SIX6: variants seen among roughly 807,000 people sequenced by gnomAD.
The protein encoded by SIX6 is homeobox protein SIX6.
Under a neutral mutation model 23.6 loss-of-function variants are expected in SIX6, and 14 were observed. The ratio of observed to expected loss-of-function variants is 0.59; its 90% CI spans 0.39 to 0.93. The LOEUF (loss-of-function observed/expected upper bound fraction) is 0.93, where lower values mean the gene tolerates loss of function less well. Ranked by LOEUF, SIX6 falls within the 40% of genes least tolerant of loss-of-function variation. The pLI, the probability that SIX6 is intolerant of heterozygous loss-of-function variation, is 0.00. For missense variants in SIX6, 307 were observed against 325.6 expected, an observed-to-expected ratio of 0.94 and a Z score of 0.44; for synonymous variants, 128 against 144.9, an observed-to-expected ratio of 0.88 and a Z score of 0.84.
At position 60,510,021 on chromosome 14, in the gene SIX6, T is replaced by C. The variant is rs754759414; in HGVS notation, c.572+51T>C. On this transcript the variant is annotated intron_variant, in intron 1 of 1. Coordinates refer to ENST00000327720, the MANE Select transcript of SIX6 (RefSeq NM_007374.3). The stretch of plus-strand genomic sequence containing the variant: ...TTGAGCGCACCGGGGAGGAGGCGGG[T>C]GGAGGCACCTCTGGCGCCCTTACCC... The C allele has an allele frequency of 6.7e-6, 10 of 1,493,216 alleles. No individual in the cohort carries two copies. In the East Asian group the frequency reaches 2.2e-4, roughly 33 times the overall value. The allele number at this position is 1,493,216 out of a possible 1,614,324, so 92.5% of individuals were successfully genotyped here. A position where few individuals can be genotyped will look rare whatever the true frequency, so the allele number is the denominator to read the frequency against.
chr14:60,510,577 G>C (rs1318205973), intron 1 of SIX6, among the ~76,000 whole-genome samples: 1 of 132,120 alleles, frequency 7.6e-6, no homozygotes, highest in Non-Finnish European at 1.7e-5. Context: ...TTTTGCGGAA[G>C]AGCCCGGCCT....
rs1893302654 is a variant in SIX6, at chr14:60,512,020, TACCTATACAA to T, written c.*771_*780del. The T allele has an allele frequency of 2.6e-4, 1 of 3,806 alleles. No individual in the cohort carries two copies. The highest frequency in any genetic ancestry group is 1.8e-3 in the Non-Finnish European group (1 of 550). The allele number at this position is 3,806 out of a possible 1,614,324, so 0.2% of individuals were successfully genotyped here. Reference sequence around the variant, plus strand: ...TTACACGTATGTGCATATATGTATGTACCTATACAAACATATGTATGTACCTATACAAACA... The same window carrying T: ...TTACACGTATGTGCATATATGTATGTACATATGTATGTACCTATACAAACA... On this transcript the variant is annotated 3_prime_UTR_variant, in exon 2 of 2. Coordinates refer to ENST00000327720, the MANE Select transcript of SIX6 (RefSeq NM_007374.3).
At chr14:60,510,208 A>G (rs1375598459) in intron 1 of SIX6, among the ~76,000 whole-genome samples, 3 of 152,148 alleles carry the variant, frequency 2.0e-5, no homozygotes, top group African/African-American at 7.2e-5. Flanking sequence ...GGTCCCGGTC[A>G]CCAAACCAAG....
rs1555360879 is a variant in SIX6 at position 60,509,178 on chromosome 14, T to TGAGCC, written c.-210_-206dup. 3.4e-6 allele frequency: 2 copies of TGAGCC among 580,838 alleles called. No homozygotes were observed. The highest frequency in any genetic ancestry group is 3.1e-6 in the Non-Finnish European group (1 of 326,258). The allele number at this position is 580,838 out of a possible 1,614,324, so 36.0% of individuals were successfully genotyped here. A position where few individuals can be genotyped will look rare whatever the true frequency, so the allele number is the denominator to read the frequency against. ...GAGCCAGCTCGCCTGCCGGCGTGCC[T>TGAGCC]GAGCCGAGCCGAGCCCGAACCCCAA... On this transcript the variant is annotated 5_prime_UTR_variant, in exon 1 of 2. Transcript: ENST00000327720.
chr14:60,510,395 G>A (rs1690116300), intron 1 of SIX6, among the ~76,000 whole-genome samples: 1 of 152,186 alleles, frequency 6.6e-6, no homozygotes, highest in South Asian at 2.1e-4. Flanking sequence ...TCAAAGCCCA[G>A]GTATATCCCT....
rs1047689079 is a variant in SIX6 at position 60,509,792 on chromosome 14, A to T, written c.394A>T (p.Thr132Ser). The T allele has an allele frequency of 1.2e-6, 2 of 1,613,422 alleles. No individual in the cohort carries two copies. The highest frequency in any genetic ancestry group is 1.7e-6 in the Non-Finnish European group (2 of 1,179,406). Reference sequence around the variant, plus strand: ...CACCATTTGGGACGGCGAACAGAAGACACACTGCTTCAAGGAGCGCACGCG... The same window carrying T: ...CACCATTTGGGACGGCGAACAGAAGTCACACTGCTTCAAGGAGCGCACGCG... ...PRTIWDGEQK[T>S]HCFKERTRHL... Residue 132 changes from threonine (T) to serine (S), a missense_variant, in exon 1 of 2, where the codon ACA becomes TCA. Thr to Ser is a moderately conservative substitution (Grantham distance 58). Coordinates refer to ENST00000327720, the MANE Select transcript of SIX6 (RefSeq NM_007374.3).
In SIX6 at chr14:60,511,240, G is replaced by C. The variant is rs778051865; in HGVS notation, c.729G>C (p.Glu243Asp). 5 of 1,613,430 alleles carry C rather than the reference G, an allele frequency of 3.1e-6. No individual in the cohort carries two copies. The South Asian group carries it at 4.4e-5, about 14-fold the overall frequency. Residue 243 changes from glutamate (E) to aspartate (D), a missense_variant, in exon 2 of 2, where the codon GAG (glutamate) becomes GAC (aspartate). By Grantham distance (45) the Glu-to-Asp change is conservative (BLOSUM62 2). Coordinates refer to ENST00000327720, the MANE Select transcript of SIX6 (RefSeq NM_007374.3). ...SAISITSSDS[E>D]CDI ...TCTCCATCACGTCCAGCGACAGCGAGTGCGACATCTGAGTTGCCCATCCAG... is the reference window on the plus strand; with the variant it reads ...TCTCCATCACGTCCAGCGACAGCGACTGCGACATCTGAGTTGCCCATCCAG...
Position 60,511,431 on chromosome 14 carries a change from G to T in SIX6, c.*179G>T. Reference sequence around the variant, plus strand: ...CCCCGCGGCCGGCCTGGCTTCACTGGCGCCCTTTGGCCGCGACCACGGGAA... The same window carrying T: ...CCCCGCGGCCGGCCTGGCTTCACTGTCGCCCTTTGGCCGCGACCACGGGAA... On this transcript the variant is annotated 3_prime_UTR_variant, in exon 2 of 2. Transcript: ENST00000327720. 3.4e-5 allele frequency: 24 copies of T among 711,280 alleles called. No individual in the cohort carries two copies. The highest frequency in any genetic ancestry group is 6.5e-5 in the South Asian group (4 of 61,740). 44.1% of individuals were successfully genotyped at this position (711,280 alleles called of 1,614,324 possible).
Position 60,511,320 on chromosome 14 carries a change from G to C in SIX6, c.*68G>C. 7.2e-6 allele frequency: 11 copies of C among 1,528,592 alleles called. No individual in the cohort carries two copies. The highest frequency in any genetic ancestry group is 1.4e-5 in the African/African-American group (1 of 73,270). 94.7% of individuals were successfully genotyped at this position (1,528,592 alleles called of 1,614,324 possible). A position where few individuals can be genotyped will look rare whatever the true frequency, so the allele number is the denominator to read the frequency against. Reference sequence around the variant, plus strand: ...ACGAGAAAAACAAAATGAAAGAGGGGAAGAAGATGAGAGACCTGCAAATCC... The same window carrying C: ...ACGAGAAAAACAAAATGAAAGAGGGCAAGAAGATGAGAGACCTGCAAATCC... On this transcript the variant is annotated 3_prime_UTR_variant, in exon 2 of 2. Transcript: ENST00000327720.
Position 60,509,692 on chromosome 14 carries a change from G to A in SIX6, c.294G>A (p.Glu98=), listed in dbSNP as rs143371520. 2.1e-4 allele frequency: 339 copies of A among 1,614,014 alleles called. No homozygotes were observed. The highest frequency in any genetic ancestry group is 2.7e-4 in the Non-Finnish European group (314 of 1,180,046). ...TGTGGCTTGAAGCACACTACCAGGA[G>A]GCTGAGAAGCTGCGTGGAAGACCCC... is the stretch of plus-strand genomic sequence containing the variant. ...QALWLEAHYQ[E]AEKLRGRPLG... The change falls in exon 1 of 2, where the codon GAG becomes GAA. Residue 98 remains glutamate (E), a synonymous_variant. Transcript: ENST00000327720.
Position 60,511,357 on chromosome 14 carries a change from A to T in SIX6, c.*105A>T, listed in dbSNP as rs1893291935. The T allele has an allele frequency of 7.4e-7, 1 of 1,359,276 alleles. No individual in the cohort carries two copies. Among genetic ancestry groups the T allele is most frequent in the Middle Eastern group, 1.8e-4 (1 of 5,442 alleles). The allele number at this position is 1,359,276 out of a possible 1,614,324, so 84.2% of individuals were successfully genotyped here. A position where few individuals can be genotyped will look rare whatever the true frequency, so the allele number is the denominator to read the frequency against. On this transcript the variant is annotated 3_prime_UTR_variant, in exon 2 of 2. Coordinates refer to ENST00000327720, the MANE Select transcript of SIX6 (RefSeq NM_007374.3). ...AGACCTGCAAATCCAGCGCCACAGA[A>T]GCCAGGTGACCAGGGACCCGCGGGC...
In SIX6 at chr14:60,511,493, T is replaced by C; in HGVS notation, c.*241T>C. 2 of 599,164 alleles carry C rather than the reference T, an allele frequency of 3.3e-6. No homozygotes were observed. The highest frequency in any genetic ancestry group is 4.0e-5 in the South Asian group (2 of 50,364). 37.1% of individuals were successfully genotyped at this position (599,164 alleles called of 1,614,324 possible). A position where few individuals can be genotyped will look rare whatever the true frequency, so the allele number is the denominator to read the frequency against. ...GCCTGACCCAGCACCACGTTCTTCT[T>C]GCTTTGCTTTTTCCTAAGGATTTTG... is the stretch of plus-strand genomic sequence containing the variant. On this transcript the variant is annotated 3_prime_UTR_variant, in exon 2 of 2. Transcript: ENST00000327720.
Position 60,511,177 on chromosome 14 carries a change from G to C in SIX6, c.666G>C (p.Pro222=). The change falls in exon 2 of 2, where the codon CCG becomes CCC. Residue 222 remains proline, a synonymous_variant. Coordinates refer to ENST00000327720, the MANE Select transcript of SIX6 (RefSeq NM_007374.3). ...TPEVLGVATS[P]AASLSSKAAT... is the part of the protein sequence containing the mutation. ...AGGTGCTGGGCGTCGCCACCAGCCC[G>C]GCCGCCAGTCTATCCAGCAAGGCGG... is the stretch of plus-strand genomic sequence containing the variant. 2 of 1,611,810 alleles carry C rather than the reference G, an allele frequency of 1.2e-6. No individual in the cohort carries two copies. Among genetic ancestry groups the C allele is most frequent in the South Asian group, 2.2e-5 (2 of 91,068 alleles).
Position 60,511,121 on chromosome 14 carries a change from G to T in SIX6, c.610G>T (p.Ala204Ser). Reference sequence around the variant, plus strand: ...GGTCCTGTCACAGGGTTCCGGGCGGGCACTACGGGCGGAGGGCGACGGCAC... The same window carrying T: ...GGTCCTGTCACAGGGTTCCGGGCGGTCACTACGGGCGGAGGGCGACGGCAC... ...QQVLSQGSGR[A>S]LRAEGDGTPE... The change falls in exon 2 of 2, where the codon GCA (alanine) becomes TCA (serine). Residue 204 changes from alanine to serine, a missense_variant. Physicochemically the swap from Ala to Ser is moderately conservative, Grantham distance 99 (BLOSUM62 1). Coordinates refer to ENST00000327720, the MANE Select transcript of SIX6 (RefSeq NM_007374.3). The T allele has an allele frequency of 1.9e-6, 3 of 1,612,824 alleles. 1 individual carries two copies. In the South Asian group the frequency reaches 3.3e-5, roughly 18 times the overall value.
rs886050563 is a variant in SIX6 at position 60,511,118 on chromosome 14, C to T, written c.607C>T (p.Arg203Trp). 1.9e-6 allele frequency: 3 copies of T among 1,612,752 alleles called. No individual in the cohort carries two copies. Among genetic ancestry groups the T allele is most frequent in the Non-Finnish European group, 2.5e-6 (3 of 1,179,822 alleles). Residue 203 changes from arginine (R) to tryptophan (W), a missense_variant, in exon 2 of 2, where the codon CGG becomes TGG. By Grantham distance (101) the Arg-to-Trp change is moderately radical (BLOSUM62 -3). Transcript: ENST00000327720. ...GCAGGTCCTGTCACAGGGTTCCGGG[C>T]GGGCACTACGGGCGGAGGGCGACGG... ...QQQVLSQGSG[R>W]ALRAEGDGTP...
In SIX6 at chr14:60,509,374, C is replaced by T. The variant is rs762783680; in HGVS notation, c.-25C>T. The T allele has an allele frequency of 7.5e-6, 12 of 1,596,158 alleles. No homozygotes were observed. The highest frequency in any genetic ancestry group is 9.3e-6 in the Non-Finnish European group (11 of 1,177,352). On this transcript the variant is annotated 5_prime_UTR_variant, in exon 1 of 2. Transcript: ENST00000327720. Reference sequence around the variant, plus strand: ...GCGTGTCCCGCTCCGGGCTCAGTGCCCTCGCCGCCGCCGGCACTGCCTCGA... The same window carrying T: ...GCGTGTCCCGCTCCGGGCTCAGTGCTCTCGCCGCCGCCGGCACTGCCTCGA...
chr14:60,512,488 GT>G lies in SIX6; in HGVS notation c.*1241del, dbSNP rs1893309747. 6.6e-6 allele frequency: 1 copy of G among 152,178 alleles called. No individual in the cohort carries two copies. The highest frequency in any genetic ancestry group is 2.4e-5 in the African/African-American group (1 of 41,440). The allele number at this position is 152,178 out of a possible 1,614,324, so 9.4% of individuals were successfully genotyped here. ...GAATTTGGTTTTAATCAAATGAATG[GT>G]TTTTAACAAGAGGGATACTGAGATG... On this transcript the variant is annotated 3_prime_UTR_variant, in exon 2 of 2. Coordinates refer to ENST00000327720, the MANE Select transcript of SIX6 (RefSeq NM_007374.3).
chr14:60,511,035 G>A, intron 1 of SIX6, 49 bp from the exon 2 acceptor site: 1 of 1,590,140 alleles, frequency 6.3e-7, no homozygotes, highest in Non-Finnish European at 8.6e-7. Context: ...GGCGGGCGAC[G>A]GGCGGCTGTG....
chr14:60,509,210 G>A lies in SIX6; in HGVS notation c.-189G>A, dbSNP rs931034439. ...AGCCGAGCCCGAACCCCAAGCCGCG[G>A]AGCCAGCACCTCCTCCAGTCGGGGT... On this transcript the variant is annotated 5_prime_UTR_variant, in exon 1 of 2. Transcript: ENST00000327720. The A allele has an allele frequency of 4.9e-6, 3 of 608,110 alleles. No homozygotes were observed. The highest frequency in any genetic ancestry group is 5.6e-5 in the Admixed American group (2 of 35,532). 37.7% of individuals were successfully genotyped at this position (608,110 alleles called of 1,614,324 possible). A position where few individuals can be genotyped will look rare whatever the true frequency, so the allele number is the denominator to read the frequency against.
Sources: allele counts gnomAD v4.1 joint callset (sites outside exome capture counted in the v4.1 genomes callset), GRCh38; gene constraint gnomAD v4.1.1; transcripts MANE v1.5; gene names NCBI Gene and HGNC (gene_info 2026-07-23, HGNC 2026-07-21).